SOX6: variants seen among roughly 807,000 people sequenced by gnomAD.
SOX6 encodes the protein SRY-box transcription factor 6, also known as transcription factor SOX-6.
SOX6 carries 11 observed loss-of-function variants against 97.8 expected under a neutral mutation model. The observed-to-expected ratio is 0.11, with a 90% confidence interval of 0.07 to 0.19. The LOEUF is 0.19. SOX6 is among the 10% of genes least tolerant of loss of function. The pLI is 1.00. For missense variants in SOX6, 810 were observed against 1,039.5 expected, an observed-to-expected ratio of 0.78 and a Z score of 3.04; for synonymous variants, 360 against 371.4, an observed-to-expected ratio of 0.97 and a Z score of 0.35.
chr11:16,531,875 T>C (rs978381822), intron 4 of SOX6, among the ~76,000 whole-genome samples: 1 of 151,960 alleles, frequency 6.6e-6, no homozygotes. Context: ...CAAGAGTCTA[T>C]TGTATTTTGT....
chr11:16,081,462 T>A (rs1019481202), intron 9 of SOX6, among the ~76,000 whole-genome samples: 1 of 152,062 alleles, frequency 6.6e-6, no homozygotes, highest in Admixed American at 6.6e-5. Context: ...TAGGGGAGAT[T>A]TTTCTAAATC....
At chr11:16,429,722 T>C (rs1327554617) in intron 1 of SOX6, among the ~76,000 whole-genome samples, 1 of 152,120 alleles carries the variant, frequency 6.6e-6, no homozygotes, top group East Asian at 1.9e-4. Flanking sequence ...AAATAACTTA[T>C]AAGTACTAGG....
intron 3 of SOX6, among the ~76,000 whole-genome samples, chr11:16,637,031 T>C (rs1363534472): frequency 6.6e-6 from 1 of 152,194 alleles, no homozygotes; most frequent in African/African-American, 2.4e-5. Flanking sequence ...TAGTGTTTAA[T>C]GGTGTCTTCA....
At chr11:16,555,757 G>T (rs1416202452) in intron 4 of SOX6, among the ~76,000 whole-genome samples, 2 of 151,578 alleles carry the variant, frequency 1.3e-5, no homozygotes, top group Admixed American at 6.6e-5. Flanking sequence ...GAGATATAAT[G>T]AATATATTAA....
chr11:16,236,706 A>G lies in SOX6; in HGVS notation c.446-2035T>C, dbSNP rs1853035512. ...CATATACTAGGATTAAATGCATTTT[A>G]GGATGTAAAACAGGCTAAAATATGT... On this transcript the variant is annotated intron_variant, in intron 3 of 15. Coordinates refer to ENST00000683767, the MANE Select transcript of SOX6 (RefSeq NM_001367873.1). Among the ~76,000 whole-genome samples, 5 of 151,994 alleles carry G rather than the reference A, an allele frequency of 3.3e-5. No homozygotes were observed. In the South Asian group the frequency reaches 1.0e-3, roughly 31 times the overall value.
At chr11:15,990,316 G>A (rs1854008568) in intron 13 of SOX6, among the ~76,000 whole-genome samples, 1 of 151,884 alleles carries the variant, frequency 6.6e-6, no homozygotes, top group Non-Finnish European at 1.5e-5. Flanking sequence ...CATAGACTAA[G>A]AGGCATTTAT....
At chr11:16,721,789 C>T (rs893470372) in intron 2 of SOX6, among the ~76,000 whole-genome samples, 2 of 151,302 alleles carry the variant, frequency 1.3e-5, no homozygotes, top group African/African-American at 4.9e-5. Flanking sequence ...CATTAATTAC[C>T]CACTTTTAGG....
chr11:16,370,494 G>A (rs918399949), intron 1 of SOX6, among the ~76,000 whole-genome samples: 2 of 151,930 alleles, frequency 1.3e-5, no homozygotes, highest in African/African-American at 4.8e-5. Flanking sequence ...TTATAAAATA[G>A]GTCTTTAAAA....
At chr11:16,209,685 G>A (rs371616559) in intron 4 of SOX6, among the ~76,000 whole-genome samples, 115 of 152,244 alleles carry the variant, frequency 7.6e-4, no homozygotes, top group Middle Eastern at 3.4e-3. Flanking sequence ...CCTGGAAGGC[G>A]GAGATGGTAG....
At chr11:16,410,061 TA>T (rs1327058107) in intron 1 of SOX6, among the ~76,000 whole-genome samples, 3 of 152,012 alleles carry the variant, frequency 2.0e-5, no homozygotes, top group Non-Finnish European at 4.4e-5. Flanking sequence ...AAGTTGCAAT[TA>T]GGCAGGAGGA....
chr11:16,547,310 C>T (rs111969743), intron 4 of SOX6, among the ~76,000 whole-genome samples: 16 of 152,242 alleles, frequency 1.1e-4, no homozygotes, highest in African/African-American at 1.9e-4. Flanking sequence ...GATATCTGCA[C>T]TCCCTGTTTA....
intron 1 of SOX6, among the ~76,000 whole-genome samples, chr11:16,417,626 A>G (rs553575008): frequency 6.6e-6 from 1 of 151,914 alleles, no homozygotes; most frequent in Admixed American, 6.6e-5. Flanking sequence ...CTTAATTTGG[A>G]AAAAAAAATC....
At chr11:16,010,402 C>A (rs1373742891) in intron 13 of SOX6, among the ~76,000 whole-genome samples, 1 of 151,916 alleles carries the variant, frequency 6.6e-6, no homozygotes, top group Non-Finnish European at 1.5e-5. Flanking sequence ...AAATATAATC[C>A]CTTTCAGAGC....
chr11:16,692,078 TGTGTGTGTGTGCGC>T (rs796350573), intron 3 of SOX6, among the ~76,000 whole-genome samples: 1,657 of 130,864 alleles, frequency 0.013, 25 homozygotes, highest in African/African-American at 0.043. Context: ...TGTGTGTGTG[TGTGTGTGTGTGCGC>T]GCGCGCGCTT....
At chr11:16,566,144 G>C (rs1015725485) in intron 4 of SOX6, among the ~76,000 whole-genome samples, 3 of 151,918 alleles carry the variant, frequency 2.0e-5, no homozygotes, top group African/African-American at 7.2e-5. Flanking sequence ...AAGCTTTGGG[G>C]GTTCCAAATA....
intron 1 of SOX6, among the ~76,000 whole-genome samples, chr11:16,436,589 C>T (rs1002630001): frequency 3.3e-5 from 5 of 152,156 alleles, no homozygotes; most frequent in Non-Finnish European, 7.3e-5. Context: ...TAAGTCCTGG[C>T]TCTGTCATCC....
At chr11:16,431,181 C>T (rs1859265637) in intron 1 of SOX6, among the ~76,000 whole-genome samples, 1 of 152,082 alleles carries the variant, frequency 6.6e-6, no homozygotes. Context: ...AAATAGCAAA[C>T]TCCTCACCTC....
intron 1 of SOX6, among the ~76,000 whole-genome samples, chr11:16,458,875 G>A (rs1302441976): frequency 2.0e-5 from 3 of 152,066 alleles, no homozygotes; most frequent in Non-Finnish European, 4.4e-5. Context: ...GCACAGAGGT[G>A]AACTCTAATA....
At chr11:16,093,595 G>C (rs1848735805) in intron 9 of SOX6, among the ~76,000 whole-genome samples, 1 of 151,910 alleles carries the variant, frequency 6.6e-6, no homozygotes, top group South Asian at 2.1e-4. Context: ...AGTAATGCAT[G>C]CAGTGGGGTG....
Sources: allele counts gnomAD v4.1 joint callset (sites outside exome capture counted in the v4.1 genomes callset), GRCh38; gene constraint gnomAD v4.1.1; transcripts MANE v1.5; gene names NCBI Gene and HGNC (gene_info 2026-07-23, HGNC 2026-07-21).